The following DENND4B variants were observed in gnomAD, a reference collection of about 807,000 sequenced individuals.
DENND4B encodes DENN domain containing 4B.
In DENND4B, 67 loss-of-function variants were observed where a neutral mutation model predicts 161.0. The observed-to-expected ratio is 0.42, with a 90% confidence interval of 0.34 to 0.51. The LOEUF is 0.51. Among genes scored for constraint, DENND4B ranks in the 20% least tolerant of loss-of-function variants. The pLI is 0.08. For missense variants in DENND4B, 1,481 were observed against 1,968.0 expected (o/e 0.75, Z 4.68); for synonymous variants, 753 against 813.8 (o/e 0.93, Z 1.27).
At position 153,940,014 on chromosome 1, in the gene DENND4B, G is replaced by A. The variant is rs1679574377; in HGVS notation, c.1603+142C>T. 5.8e-6 allele frequency: 5 copies of A among 855,386 alleles called. No individual in the cohort carries two copies. Among genetic ancestry groups the A allele is most frequent in the Middle Eastern group, 2.3e-4 (1 of 4,346 alleles). 53.0% of individuals were successfully genotyped at this position (855,386 alleles called of 1,614,324 possible). On this transcript the variant is annotated intron_variant, in intron 11 of 27. Transcript: ENST00000361217. The surrounding 1 kb of genome is among the most constrained non-coding windows in gnomAD (Gnocchi z 5.6). ...CTTCCTTCTAGCTTCAGTTGGAATT[G>A]GAATCTCCCTCAGTTCCACCAAATG...
At position 153,940,208 on chromosome 1, in the gene DENND4B, G is replaced by A; in HGVS notation, c.1551C>T (p.Pro517=). The change falls in exon 11 of 28, where the codon CCC becomes CCT. Residue 517 remains proline (P), a synonymous_variant. Coordinates refer to ENST00000361217, the MANE Select transcript of DENND4B (RefSeq NM_014856.3). The surrounding 1 kb of genome is among the most constrained non-coding windows in gnomAD (Gnocchi z 5.6). ...TCAGTGTGGCCAGCAGAACCTTGTA[G>A]GGTCTGCGGGGCAGGGTCCGAGGGG... The part of the protein sequence containing the change: ...LLSPRTLPRR[P]YKVLLATLTN... 2 of 1,602,528 alleles carry A rather than the reference G, an allele frequency of 1.2e-6. No individual in the cohort carries two copies. Among genetic ancestry groups the A allele is most frequent in the Non-Finnish European group, 1.7e-6 (2 of 1,175,226 alleles).
Position 153,930,226 on chromosome 1 carries a change from A to C in DENND4B, c.*71T>G. On this transcript the variant is annotated 3_prime_UTR_variant, in exon 28 of 28. Transcript: ENST00000361217. The surrounding 1 kb of genome is among the most constrained non-coding windows in gnomAD (Gnocchi z 4.7). ...TCCCAACTCCATGAAGGCAACAGGG[A>C]AGCAGTTTAACTCTAGAATCCCTTC... 6.5e-7 allele frequency: 1 copy of C among 1,534,096 alleles called. No homozygotes were observed. The highest frequency in any genetic ancestry group is 8.8e-7 in the Non-Finnish European group (1 of 1,135,582).
chr1:153,936,282 C>A lies in DENND4B; in HGVS notation c.2440-94G>T. 1 of 1,502,074 alleles carries A rather than the reference C, an allele frequency of 6.7e-7. No homozygotes were observed. Among genetic ancestry groups the A allele is most frequent in the South Asian group, 1.3e-5 (1 of 76,166 alleles). 93.0% of individuals were successfully genotyped at this position (1,502,074 alleles called of 1,614,324 possible). A position where few individuals can be genotyped will look rare whatever the true frequency, so the allele number is the denominator to read the frequency against. On this transcript the variant is annotated intron_variant, in intron 16 of 27. Transcript: ENST00000361217. This position sits in a 1 kb window ranked among gnomAD's most constrained non-coding sequence, Gnocchi z 4.1. ...CCTCTTCCTGCCTCCCCAATTCTCA[C>A]AGACATCACTGGCCCCTGGCAGGTC...
In DENND4B at chr1:153,941,307, C is replaced by T. The variant is rs370137215; in HGVS notation, c.1123-18G>A. On this transcript the variant is annotated intron_variant, in intron 7 of 27. Coordinates refer to ENST00000361217, the MANE Select transcript of DENND4B (RefSeq NM_014856.3). ...GGAGACATCTGGAAGGGAAGAAGAG[C>T]CACGGCTCAGGGTAATGATGCCAAC... 1.2e-6 allele frequency: 2 copies of T among 1,613,810 alleles called. No homozygotes were observed. Among genetic ancestry groups the T allele is most frequent in the Non-Finnish European group, 1.7e-6 (2 of 1,179,802 alleles).
rs373534970 is a variant in DENND4B, at chr1:153,944,215, C to A, written c.160G>T (p.Ala54Ser). Residue 54 changes from alanine to serine, a missense_variant, in exon 2 of 28, where the codon GCT (alanine) becomes TCT (serine). Ala to Ser is a moderately conservative substitution (Grantham distance 99). Around this residue, in one of 3 missense-constraint regions of DENND4B, gnomAD observed 806 missense variants for 1,134.4 expected, o/e 0.71. Transcript: ENST00000361217. The surrounding 1 kb of genome is among the most constrained non-coding windows in gnomAD (Gnocchi z 4.8). ...AEPITDVAVI[A>S]RALGEEVPQG... The stretch of plus-strand genomic sequence containing the variant: ...GGCACTTCCTCGCCCAGTGCCCTAG[C>A]GATGACTGCCACATCTGTGATGGGC... The A allele has an allele frequency of 6.2e-7, 1 of 1,608,160 alleles. No homozygotes were observed. The highest frequency in any genetic ancestry group is 2.2e-5 in the East Asian group (1 of 44,612).
intron 24 of DENND4B, among the ~76,000 whole-genome samples, chr1:153,931,496 C>CTTTT (rs1157104732): frequency 4.5e-5 from 6 of 134,098 alleles, no homozygotes; most frequent in African/African-American, 8.2e-5. Flanking sequence ...TATGCTCTTT[C>CTTTT]TTTTTTTTTT....
In DENND4B at chr1:153,930,623, G is replaced by A. The variant is rs767627604; in HGVS notation, c.4281-20C>T. ...ATTCCCCTTTAGTGGAGGCAGAAGT[G>A]TATGAGTGAGAGAAAAGGGGTGTGG... On this transcript the variant is annotated intron_variant, in intron 26 of 27. Coordinates refer to ENST00000361217, the MANE Select transcript of DENND4B (RefSeq NM_014856.3). The surrounding 1 kb of genome is among the most constrained non-coding windows in gnomAD (Gnocchi z 4.7). The A allele has an allele frequency of 4.0e-5, 65 of 1,613,818 alleles. No homozygotes were observed. The South Asian group carries it at 5.5e-4, about 14-fold the overall frequency.
chr1:153,944,331 A>G lies in DENND4B; in HGVS notation c.44T>C (p.Val15Ala). 6.2e-7 allele frequency: 1 copy of G among 1,608,958 alleles called. No individual in the cohort carries two copies. ...RPPRLVDYFV[V>A]AGLAGNGAPI... ...TGCTCCGTTCCCTGCAAGCCCAGCT[A>G]CCACGAAGTAATCCACCAGCCGGGG... The change falls in exon 2 of 28, where the codon GTA (valine) becomes GCA (alanine). Residue 15 changes from valine (V) to alanine (A), a missense_variant. Transcript: ENST00000361217. The surrounding 1 kb of genome is among the most constrained non-coding windows in gnomAD (Gnocchi z 4.8).
At chr1:153,941,350 C>T (rs745879364) in intron 7 of DENND4B, 24 bp downstream of exon 7, 1 of 1,613,384 alleles carries the variant, frequency 6.2e-7, no homozygotes, top group Non-Finnish European at 8.5e-7. Flanking sequence ...CTTCCATCAG[C>T]CCGGCCCCAG....
chr1:153,937,879 A>T lies in DENND4B; in HGVS notation c.1966-16T>A, dbSNP rs770120513. ...CTGGGTGGACCTGGAGAAGGATTTT[A>T]AGAGAGCAAGTGTTGAGATGGTGGG... On this transcript the variant is annotated splice_polypyrimidine_tract_variant and intron_variant, in intron 13 of 27. Transcript: ENST00000361217. The surrounding 1 kb of genome is among the most constrained non-coding windows in gnomAD (Gnocchi z 4.7). 8.1e-6 allele frequency: 13 copies of T among 1,613,914 alleles called. No homozygotes were observed. Among genetic ancestry groups the T allele is most frequent in the Non-Finnish European group, 1.1e-5 (13 of 1,179,882 alleles).
intron 1 of DENND4B, chr1:153,945,151 A>G: frequency 1.6e-6 from 2 of 1,289,328 alleles, no homozygotes; most frequent in Non-Finnish European, 2.0e-6. Flanking sequence ...CCATGGCCCA[A>G]CCCCGGGGAG....
At position 153,936,452 on chromosome 1, in the gene DENND4B, A is replaced by T; in HGVS notation, c.2439+90T>A. On this transcript the variant is annotated intron_variant, in intron 16 of 27. Coordinates refer to ENST00000361217, the MANE Select transcript of DENND4B (RefSeq NM_014856.3). The surrounding 1 kb of genome is among the most constrained non-coding windows in gnomAD (Gnocchi z 4.1). ...CTGGGGCTCTGCAACTTCTTTCCTTAGTCTCCACCAAGTTTCCCTCTCACA... is the reference window on the plus strand; with the variant it reads ...CTGGGGCTCTGCAACTTCTTTCCTTTGTCTCCACCAAGTTTCCCTCTCACA... 7.3e-7 allele frequency: 1 copy of T among 1,378,030 alleles called. No individual in the cohort carries two copies. The highest frequency in any genetic ancestry group is 1.5e-5 in the South Asian group (1 of 67,706). 85.4% of individuals were successfully genotyped at this position (1,378,030 alleles called of 1,614,324 possible). A position where few individuals can be genotyped will look rare whatever the true frequency, so the allele number is the denominator to read the frequency against.
chr1:153,941,817 G>T, intron 6 of DENND4B, 52 bp downstream of exon 6: 2 of 1,544,624 alleles, frequency 1.3e-6, no homozygotes. Flanking sequence ...ATCTCTCCTG[G>T]CCCCCTTATC....
In DENND4B at chr1:153,933,004, G is replaced by C; in HGVS notation, c.3480C>G (p.Cys1160Trp). 6.2e-7 allele frequency: 1 copy of C among 1,613,920 alleles called. No homozygotes were observed. Among genetic ancestry groups the C allele is most frequent in the Non-Finnish European group, 8.5e-7 (1 of 1,179,876 alleles). The change falls in exon 22 of 28, where the codon TGC (cysteine) becomes TGG (tryptophan). Residue 1160 changes from cysteine to tryptophan, a missense_variant. Physicochemically the swap from Cys to Trp is radical, Grantham distance 215. Around this residue, in one of 3 missense-constraint regions of DENND4B, gnomAD observed 336 missense variants for 503.3 expected, o/e 0.67. Transcript: ENST00000361217. The surrounding 1 kb of genome is among the most constrained non-coding windows in gnomAD (Gnocchi z 5.7). ...LEILLSSCSL[C>W]RACDSLVYDE... ...CATACACCAGCGAATCACAGGCACGGCACAGGGAGCAGCTGGACAGCAGAA... is the reference window on the plus strand; with the variant it reads ...CATACACCAGCGAATCACAGGCACGCCACAGGGAGCAGCTGGACAGCAGAA...
In DENND4B at chr1:153,936,665, A is replaced by G. The variant is rs201958485; in HGVS notation, c.2316T>C (p.Tyr772=). The G allele has an allele frequency of 1.5e-5, 24 of 1,613,484 alleles. No individual in the cohort carries two copies. In the Admixed American group the frequency reaches 3.7e-4, roughly 25 times the overall value. Reference sequence around the variant, plus strand: ...CAGGCAGACACAGGAACCACAGCCCATAGCAGTGCCCCAGCAGGCACCGGG... The same window carrying G: ...CAGGCAGACACAGGAACCACAGCCCGTAGCAGTGCCCCAGCAGGCACCGGG... ...LWARCLLGHC[Y]GLWFLCLPAY... Residue 772 remains tyrosine, a synonymous_variant, in exon 16 of 28, where the codon TAT becomes TAC. Transcript: ENST00000361217. The surrounding 1 kb of genome is among the most constrained non-coding windows in gnomAD (Gnocchi z 4.1).
chr1:153,933,199 C>A lies in DENND4B; in HGVS notation c.3451G>T (p.Glu1151Ter). ...TGTGTGGGAGGGGTTATCCTCACTT[C>A]CAGGGAAGGTGACTGGAAGGATCCA... ...TPGSFQSPSL[E>*]ILLSSCSLCR... Residue 1151 changes from glutamate to a stop codon, truncating the protein, a stop_gained and splice_region_variant, in exon 21 of 28, where the codon GAA becomes TAA. Coordinates refer to ENST00000361217, the MANE Select transcript of DENND4B (RefSeq NM_014856.3). LOFTEE classifies it high-confidence loss of function. The surrounding 1 kb of genome is among the most constrained non-coding windows in gnomAD (Gnocchi z 5.7). 3 of 1,613,008 alleles carry A rather than the reference C, an allele frequency of 1.9e-6. No individual in the cohort carries two copies. Among genetic ancestry groups the A allele is most frequent in the Non-Finnish European group, 8.5e-7 (1 of 1,179,504 alleles).
At position 153,934,101 on chromosome 1, in the gene DENND4B, T is replaced by C; in HGVS notation, c.2941+34A>G. 1 of 1,522,758 alleles carries C rather than the reference T, an allele frequency of 6.6e-7. No individual in the cohort carries two copies. Among genetic ancestry groups the C allele is most frequent in the East Asian group, 2.3e-5 (1 of 42,672 alleles). The allele number at this position is 1,522,758 out of a possible 1,614,324, so 94.3% of individuals were successfully genotyped here. On this transcript the variant is annotated intron_variant, in intron 19 of 27. Transcript: ENST00000361217. This position sits in a 1 kb window ranked among gnomAD's most constrained non-coding sequence, Gnocchi z 5.3. ...CTAGCAAGTGGTTAGGAAAGCTGAC[T>C]GGGGGAGTGAGGGAGCCAGACAAGG...
In DENND4B at chr1:153,932,564, C is replaced by A; in HGVS notation, c.3759+78G>T. ...TTGCCCTCAAGGGCAAGAGATGTGCCCATCTCTCCCTGGCACCCCACAGGC... is the reference window on the plus strand; with the variant it reads ...TTGCCCTCAAGGGCAAGAGATGTGCACATCTCTCCCTGGCACCCCACAGGC... On this transcript the variant is annotated intron_variant, in intron 23 of 27. Coordinates refer to ENST00000361217, the MANE Select transcript of DENND4B (RefSeq NM_014856.3). The surrounding 1 kb of genome is among the most constrained non-coding windows in gnomAD (Gnocchi z 5.8). The A allele has an allele frequency of 6.4e-7, 1 of 1,567,252 alleles. No homozygotes were observed. Among genetic ancestry groups the A allele is most frequent in the Non-Finnish European group, 8.7e-7 (1 of 1,154,488 alleles).
At chr1:153,931,164 G>A (rs947873522) in intron 24 of DENND4B, 100 bp from the exon 25 acceptor site, 1 of 891,018 alleles carries the variant, frequency 1.1e-6, no homozygotes, top group Non-Finnish European at 1.7e-6. Context: ...GGCCATTACA[G>A]GACACAGCCA....
Sources: allele counts gnomAD v4.1 joint callset (sites outside exome capture counted in the v4.1 genomes callset), GRCh38; gene constraint gnomAD v4.1.1; regional missense constraint gnomAD v4.1.1; non-coding constraint Gnocchi (gnomAD v3.1); transcripts MANE v1.5; gene names NCBI Gene and HGNC (gene_info 2026-07-23, HGNC 2026-07-21).